Variants in NLRP5 observed in about 807,000 individuals in gnomAD.
NLRP5 encodes the protein NACHT, LRR and PYD domains-containing protein 5.
NLRP5 carries 93 observed loss-of-function variants against 113.1 expected under a neutral mutation model. The ratio of observed to expected loss-of-function variants is 0.82; its 90% CI spans 0.70 to 0.98. The LOEUF (loss-of-function observed/expected upper bound fraction) is 0.98, where lower values mean the gene tolerates loss of function less well. Among genes scored for constraint, NLRP5 ranks in the 50% least tolerant of loss-of-function variants. The pLI is 0.00. For synonymous variants in NLRP5, 751 were observed against 600.7 expected (o/e 1.25, Z -3.66); for missense variants, 1,808 against 1,514.3 (o/e 1.19, Z -3.22).
At chr19:56,019,172 T>C in intron 4 of NLRP5, 170 bp from the exon 5 acceptor site, 2 of 685,598 alleles carry the variant, frequency 2.9e-6, no homozygotes, top group East Asian at 5.4e-5. Flanking sequence ...AAGCTTTGAA[T>C]TAGTGCTCAT....
upstream of NLRP5, among the ~76,000 whole-genome samples, chr19:55,998,698 A>ACG (rs1568478229): frequency 6.2e-3 from 474 of 76,016 alleles, 13 homozygotes; most frequent in Middle Eastern, 0.029. Flanking sequence ...ATATATATAT[A>ACG]TATATGTGTG....
At position 56,050,578 on chromosome 19, in the gene NLRP5, C is replaced by G; in HGVS notation, c.3118C>G (p.Gln1040Glu). ...CATGAGAGAACCATCTTGTCATCTC[C>G]AGGACCTGGAGTGAGTTTCCCATGG... The change falls in exon 12 of 15, where the codon CAG (glutamine) becomes GAG (glutamate). Residue 1040 changes from glutamine to glutamate, a missense_variant. Transcript: ENST00000390649. 1.2e-6 allele frequency: 2 copies of G among 1,613,580 alleles called. No individual in the cohort carries two copies. Among genetic ancestry groups the G allele is most frequent in the Non-Finnish European group, 1.7e-6 (2 of 1,179,640 alleles).
intron 11 of NLRP5, among the ~76,000 whole-genome samples, chr19:56,043,576 T>C (rs377293307): frequency 2.4e-5 from 1 of 41,068 alleles, no homozygotes; most frequent in Non-Finnish European, 6.1e-5. Flanking sequence ...TTTTTTTTTT[T>C]TTTTTTTGAG....
intron 3 of NLRP5, among the ~76,000 whole-genome samples, chr19:56,009,355 A>AAAAAAAAAAAC (rs1428253417): frequency 2.0e-5 from 3 of 149,864 alleles, no homozygotes; most frequent in Non-Finnish European, 4.4e-5. Context: ...AAAAAAAAAA[A>AAAAAAAAAAAC]AAAAGAGTTC....
chr19:56,027,079 G>C lies in NLRP5; in HGVS notation c.846G>C (p.Val282=), dbSNP rs1982886189. The change falls in exon 7 of 15, where the codon GTG becomes GTC. Residue 282 remains valine (V), a synonymous_variant. Coordinates refer to ENST00000390649, the MANE Select transcript of NLRP5 (RefSeq NM_153447.4). ...GGTGGGGCTTCCGGCCTCGCACGGT[G>C]GTTCTGCACGGAAAGTCAGGAATTG... 5.8e-6 allele frequency: 9 copies of C among 1,562,276 alleles called. No homozygotes were observed. The highest frequency in any genetic ancestry group is 6.9e-6 in the Non-Finnish European group (8 of 1,153,458).
intron 10 of NLRP5, among the ~76,000 whole-genome samples, chr19:56,039,434 G>T (rs557595799): frequency 1.6e-4 from 25 of 152,284 alleles, no homozygotes; most frequent in African/African-American, 6.0e-4. Flanking sequence ...GGCAGTGCTG[G>T]TATCAGCAGT....
intron 11 of NLRP5, among the ~76,000 whole-genome samples, chr19:56,050,154 C>A (rs1034625129): frequency 6.6e-6 from 1 of 151,988 alleles, no homozygotes; most frequent in African/African-American, 2.4e-5. Context: ...GTGGTGCATG[C>A]CTGTAATCCC....
intron 10 of NLRP5, 138 bp from the exon 11 acceptor site, chr19:56,040,784 G>C: frequency 4.6e-6 from 3 of 656,900 alleles, no homozygotes; most frequent in Non-Finnish European, 7.7e-6. Flanking sequence ...AAGGCAGAGA[G>C]GATGCGACTT....
At chr19:56,043,882 T>G (rs950561059) in intron 11 of NLRP5, among the ~76,000 whole-genome samples, 1 of 151,818 alleles carries the variant, frequency 6.6e-6, no homozygotes, top group Non-Finnish European at 1.5e-5. Context: ...TGGCCTCTGC[T>G]GACTATTCTT....
chr19:56,049,614 ATTTC>A, intron 11 of NLRP5, among the ~76,000 whole-genome samples: 2 of 152,202 alleles, frequency 1.3e-5, no homozygotes, highest in Admixed American at 1.3e-4. Context: ...CCCAGCCTGA[ATTTC>A]TTTCTTCTAC....
chr19:56,053,582 C>T (rs1356362954), intron 12 of NLRP5, 56 bp from the exon 13 acceptor site: 25 of 1,496,916 alleles, frequency 1.7e-5, no homozygotes, highest in South Asian at 8.5e-5. Context: ...AACCTTCTCC[C>T]GCTGTTCCAC....
At chr19:56,031,621 C>G (rs984199163) in intron 7 of NLRP5, among the ~76,000 whole-genome samples, 3 of 117,622 alleles carry the variant, frequency 2.6e-5, no homozygotes, top group Non-Finnish European at 5.2e-5. Context: ...ATAGAGACTC[C>G]GTCTCCAAAA....
intron 9 of NLRP5, among the ~76,000 whole-genome samples, chr19:56,037,042 T>C (rs1375173387): frequency 1.3e-5 from 2 of 152,172 alleles, no homozygotes; most frequent in Non-Finnish European, 2.9e-5. Flanking sequence ...TATTCTAATA[T>C]TCTAATCCTC....
chr19:56,002,839 C>G (rs1981709052), intron 1 of NLRP5, among the ~76,000 whole-genome samples: 1 of 152,024 alleles, frequency 6.6e-6, no homozygotes, highest in African/African-American at 2.4e-5. Flanking sequence ...TGTATATGTG[C>G]CACATTTTCT....
At chr19:56,040,224 AAC>A (rs1329788948) in intron 10 of NLRP5, among the ~76,000 whole-genome samples, 1 of 152,078 alleles carries the variant, frequency 6.6e-6, no homozygotes, top group African/African-American at 2.4e-5. Flanking sequence ...TGGGATTACA[AAC>A]ACAAACCACG....
rs147378686 is a variant in NLRP5, at chr19:56,039,202, G to C, written c.2786+1007G>C. ...CTGTGTCACTTGTCCACAGTTGGAC[G>C]GTGCTCAGATGGTGATGCCGGGAGT... On this transcript the variant is annotated intron_variant, in intron 10 of 14. Transcript: ENST00000390649. Among the ~76,000 whole-genome samples the C allele has an allele frequency of 6.2e-3, 945 of 152,308 alleles. 6 individuals carry two copies. The highest frequency in any genetic ancestry group is 0.022 in the African/African-American group (900 of 41,572).
chr19:55,989,207 T>G, the NLRP5 span, among the ~76,000 whole-genome samples: 1 of 152,200 alleles, frequency 6.6e-6, no homozygotes, highest in Non-Finnish European at 1.5e-5. Context: ...TCTACTTATC[T>G]TCTACTAAAA....
intron 12 of NLRP5, 68 bp downstream of exon 12, chr19:56,050,656 G>A (rs918470126): frequency 2.0e-6 from 3 of 1,490,540 alleles, no homozygotes; most frequent in Non-Finnish European, 2.7e-6. Flanking sequence ...AAGGTCAAGA[G>A]ATAGGAGCAG....
intron 7 of NLRP5, among the ~76,000 whole-genome samples, chr19:56,030,490 G>T (rs1378945794): frequency 6.6e-6 from 1 of 152,108 alleles, no homozygotes; most frequent in African/African-American, 2.4e-5. Context: ...TTTTTAGGAG[G>T]TGAGCTCATG....
Sources: gnomAD v4.1 joint callset for allele counts (sites outside exome capture counted in the v4.1 genomes callset) on GRCh38, gnomAD v4.1.1 for gene constraint, MANE v1.5 for transcripts, NCBI Gene and HGNC (gene_info 2026-07-23, HGNC 2026-07-21) for gene names.